Variants in ATP9A observed in about 807,000 individuals in gnomAD.
ATP9A encodes probable phospholipid-transporting ATPase IIA.
ATP9A carries 52 observed loss-of-function variants against 144.1 expected under a neutral mutation model. The observed-to-expected ratio is 0.36, with a 90% CI of 0.29 to 0.45. The LOEUF is 0.45. Ranked by LOEUF, ATP9A falls within the 20% of genes least tolerant of loss-of-function variation. ATP9A has a pLI of 1.00. For synonymous variants in ATP9A, 582 were observed against 557.4 expected, an observed-to-expected ratio of 1.04 and a Z score of -0.62; for missense variants, 947 against 1,392.7, an observed-to-expected ratio of 0.68 and a Z score of 5.09.
intron 24 of ATP9A, among the ~76,000 whole-genome samples, chr20:51,609,327 C>G (rs2122710220): frequency 6.6e-6 from 1 of 152,292 alleles, no homozygotes; most frequent in Non-Finnish European, 1.5e-5. Flanking sequence ...TCTAGTGCCT[C>G]CTCTCAGGCT....
intron 3 of ATP9A, among the ~76,000 whole-genome samples, chr20:51,719,701 C>A (rs1372218694): frequency 1.4e-5 from 2 of 145,264 alleles, no homozygotes; most frequent in East Asian, 4.2e-4. Flanking sequence ...CCACTGCACT[C>A]CAGCCTGGCA....
chr20:51,610,717 T>C (rs2077181799), intron 23 of ATP9A, among the ~76,000 whole-genome samples: 1 of 152,068 alleles, frequency 6.6e-6, no homozygotes, highest in Admixed American at 6.6e-5. Flanking sequence ...GCATGCACGC[T>C]GCTAACCAAA....
intron 23 of ATP9A, among the ~76,000 whole-genome samples, chr20:51,613,066 T>C (rs964467350): frequency 4.6e-5 from 7 of 152,050 alleles, no homozygotes; most frequent in Admixed American, 4.6e-4. Flanking sequence ...AAATTTCTCA[T>C]CCATATTCAG....
chr20:51,652,175 G>T (rs556473747), intron 14 of ATP9A, among the ~76,000 whole-genome samples: 3 of 152,180 alleles, frequency 2.0e-5, no homozygotes, highest in Non-Finnish European at 4.4e-5. Flanking sequence ...GCTCGCTCCA[G>T]CATCTGAGCA....
At chr20:51,655,112 G>A (rs1175729212) in intron 14 of ATP9A, among the ~76,000 whole-genome samples, 2 of 152,162 alleles carry the variant, frequency 1.3e-5, no homozygotes, top group Non-Finnish European at 2.9e-5. Flanking sequence ...CCTACAGTAT[G>A]AGAAGTTCCA....
chr20:51,684,556 C>T (rs867825841), intron 9 of ATP9A, among the ~76,000 whole-genome samples: 4 of 150,884 alleles, frequency 2.7e-5, no homozygotes, highest in Non-Finnish European at 4.4e-5. Flanking sequence ...ATTAGCCAGG[C>T]GCGGTGCCAG....
chr20:51,713,254 A>G (rs1208908185), intron 3 of ATP9A, among the ~76,000 whole-genome samples, 180 bp from the exon 4 acceptor site: 1 of 152,154 alleles, frequency 6.6e-6, no homozygotes, highest in East Asian at 1.9e-4. Context: ...AATCTGTCTT[A>G]GGGAACATGC....
rs1199564228 is a variant in ATP9A at position 51,688,987 on chromosome 20, C to T, written c.799+77G>A. 3.4e-6 allele frequency: 5 copies of T among 1,480,100 alleles called. 1 individual carries two copies. In the South Asian group the frequency reaches 5.7e-5, roughly 17 times the overall value. 91.7% of individuals were successfully genotyped at this position (1,480,100 alleles called of 1,614,324 possible). ...ACCGAGCACTCATTTTTCCAACTGA[C>T]AGATGATTATTCTAATTACAAAAGG... On this transcript the variant is annotated intron_variant, in intron 9 of 27. Coordinates refer to ENST00000338821, the MANE Select transcript of ATP9A (RefSeq NM_006045.3).
intron 9 of ATP9A, among the ~76,000 whole-genome samples, chr20:51,681,728 C>G (rs556628196): frequency 2.6e-5 from 4 of 151,904 alleles, no homozygotes; most frequent in Admixed American, 6.6e-5. Context: ...AGCCTCCATC[C>G]GAAACTTCTA....
At chr20:51,666,451 C>T (rs976459997) in intron 13 of ATP9A, among the ~76,000 whole-genome samples, 8 of 152,178 alleles carry the variant, frequency 5.3e-5, no homozygotes, top group African/African-American at 1.9e-4. Context: ...GAAGCCAAGG[C>T]GGACAGATCA....
intron 1 of ATP9A, among the ~76,000 whole-genome samples, chr20:51,743,699 A>G (rs1247491922): frequency 2.3e-5 from 3 of 132,668 alleles, no homozygotes; most frequent in Non-Finnish European, 4.8e-5. Flanking sequence ...CACCGTGCCC[A>G]GCCCAAATCC....
intron 1 of ATP9A, among the ~76,000 whole-genome samples, chr20:51,746,365 G>A (rs140332714): frequency 0.023 from 3,494 of 152,222 alleles, 60 homozygotes; most frequent in Non-Finnish European, 0.036. Context: ...AAATAGCCAC[G>A]TGGTACCATT....
chr20:51,765,067 G>A (rs535007363), intron 1 of ATP9A, among the ~76,000 whole-genome samples: 1 of 152,196 alleles, frequency 6.6e-6, no homozygotes, highest in Non-Finnish European at 1.5e-5. Context: ...GTTGTTGTAA[G>A]GATTAAAACA....
chr20:51,760,991 G>T (rs1282967195), intron 1 of ATP9A, among the ~76,000 whole-genome samples: 1 of 152,162 alleles, frequency 6.6e-6, no homozygotes, highest in Non-Finnish European at 1.5e-5. Context: ...CTGCGCCACT[G>T]CACTCCAGCC....
intron 1 of ATP9A, among the ~76,000 whole-genome samples, chr20:51,765,968 A>G (rs1340836178): frequency 6.6e-6 from 1 of 152,146 alleles, no homozygotes; most frequent in African/African-American, 2.4e-5. Flanking sequence ...AAAAAAAGAA[A>G]GATTAGTTCC....
chr20:51,624,997 C>A (rs6067852), intron 18 of ATP9A, among the ~76,000 whole-genome samples, 195 bp downstream of exon 18: 1 of 136,322 alleles, frequency 7.3e-6, no homozygotes, highest in Non-Finnish European at 1.6e-5. Flanking sequence ...ACAGCGAGAC[C>A]CCGTCTCAAA....
chr20:51,635,802 G>GA (rs1555830937), intron 15 of ATP9A, among the ~76,000 whole-genome samples: 1 of 46,654 alleles, frequency 2.1e-5, no homozygotes, highest in African/African-American at 7.1e-5. Flanking sequence ...AGGAGGGGAG[G>GA]AGGAAGGAAG....
rs369568375 is a variant in ATP9A, at chr20:51,657,079, G to A, written c.1365C>T (p.Arg455=). ...CGATGGCCTTCACGGCTTCGTGCAC[G>A]CGGCTGCTCATGGTCCGCCGGACCT... The part of the protein sequence containing the change: ...TTKVRRTMSS[R]VHEAVKAIAL... The change falls in exon 14 of 28, where the codon CGC becomes CGT. Residue 455 remains arginine, a synonymous_variant. Transcript: ENST00000338821. 3.3e-4 allele frequency: 530 copies of A among 1,614,072 alleles called. No individual in the cohort carries two copies. Among genetic ancestry groups the A allele is most frequent in the Admixed American group, 1.7e-3 (104 of 60,012 alleles).
At chr20:51,604,709 G>A in intron 27 of ATP9A, 108 bp downstream of exon 27, 1 of 1,028,184 alleles carries the variant, frequency 9.7e-7, no homozygotes, top group Non-Finnish European at 1.3e-6. Context: ...GCTGGAGGAA[G>A]AGCCCAGGCC....
Sources: gnomAD v4.1 joint callset for allele counts (sites outside exome capture counted in the v4.1 genomes callset) on GRCh38, gnomAD v4.1.1 for gene constraint, MANE v1.5 for transcripts, NCBI Gene and HGNC (gene_info 2026-07-23, HGNC 2026-07-21) for gene names.